Variants in EPS15 observed in about 807,000 individuals in gnomAD.
The protein encoded by EPS15 is epidermal growth factor receptor substrate 15.
EPS15 carries 72 observed loss-of-function variants against 113.8 expected under a neutral mutation model. The observed-to-expected ratio is 0.63, with a 90% CI of 0.52 to 0.77. EPS15 has a LOEUF of 0.77. EPS15 is among the 30% of genes least tolerant of loss of function. The pLI, the probability that EPS15 is intolerant of heterozygous loss-of-function variation, is 0.00. For synonymous variants in EPS15, 344 were observed against 363.4 expected (o/e 0.95, Z 0.61); for missense variants, 1,048 against 1,045.8 (o/e 1.00, Z -0.03).
chr1:51,471,394 A>G (rs932098152), intron 4 of EPS15, among the ~76,000 whole-genome samples: 1 of 152,256 alleles, frequency 6.6e-6, no homozygotes. Flanking sequence ...CACTTACTTA[A>G]TAACATTCAC....
chr1:51,512,845 T>A (rs1162115999), intron 1 of EPS15, among the ~76,000 whole-genome samples: 1 of 129,096 alleles, frequency 7.7e-6, no homozygotes, highest in Non-Finnish European at 1.7e-5. Context: ...AGCAATATCT[T>A]TTTTTTTTTT....
chr1:51,408,298 T>C lies in EPS15; in HGVS notation c.1310A>G (p.Glu437Gly). ...TTCTTCGTAAGTGGAGATCTGCGAT[T>C]CCTGACTAGTTAATTCAGCTTTCAG... ...SSLKAELTSQESQISTYEEEL... is the reference protein window; with the variant it reads ...SSLKAELTSQGSQISTYEEEL... Residue 437 changes from glutamate (E) to glycine (G), a missense_variant, in exon 15 of 25, where the codon GAA (glutamate) becomes GGA (glycine). Coordinates refer to ENST00000371733, the MANE Select transcript of EPS15 (RefSeq NM_001981.3). The C allele has an allele frequency of 3.7e-6, 6 of 1,613,398 alleles. No individual in the cohort carries two copies. The highest frequency in any genetic ancestry group is 5.1e-6 in the Non-Finnish European group (6 of 1,179,404).
chr1:51,366,063 C>G (rs111661694), intron 21 of EPS15, 34 bp from the exon 22 acceptor site: 3 of 1,489,324 alleles, frequency 2.0e-6, no homozygotes, highest in Middle Eastern at 1.7e-4. Context: ...TGAAACAGGA[C>G]AGTAAGACAT....
At chr1:51,371,789 T>G (rs1020980784) in intron 21 of EPS15, among the ~76,000 whole-genome samples, 3 of 152,218 alleles carry the variant, frequency 2.0e-5, no homozygotes, top group Non-Finnish European at 4.4e-5. Flanking sequence ...GCCTTCACAT[T>G]CACTATTACT....
rs1647680733 is a variant in EPS15 at position 51,394,262 on chromosome 1, A to G, written c.2119+119T>C. ...TATTATTGGTAAATTACTATTGGAT[A>G]TAATTATGCAATAATTTTAAAGCTA... is the stretch of plus-strand genomic sequence containing the variant. On this transcript the variant is annotated intron_variant, in intron 21 of 24. Transcript: ENST00000371733. The G allele has an allele frequency of 5.3e-6, 3 of 566,736 alleles. No homozygotes were observed. In the Admixed American group the frequency reaches 1.0e-4, roughly 19 times the overall value. The allele number at this position is 566,736 out of a possible 1,614,324, so 35.1% of individuals were successfully genotyped here.
At chr1:51,412,296 A>G (rs1229403257) in intron 13 of EPS15, among the ~76,000 whole-genome samples, 1 of 152,190 alleles carries the variant, frequency 6.6e-6, no homozygotes, top group African/African-American at 2.4e-5. Context: ...TGATGGGTGC[A>G]GCCAACCACC....
At position 51,497,995 on chromosome 1, in the gene EPS15, G is replaced by C. The variant is rs1008712771; in HGVS notation, c.34-16681C>G. On this transcript the variant is annotated intron_variant, in intron 1 of 24. Coordinates refer to ENST00000371733, the MANE Select transcript of EPS15 (RefSeq NM_001981.3). Reference sequence around the variant, plus strand: ...CGTCTCAAAAAAAAAAAAAAAACTAGTGTGTATTGTGAAGTATAAAGGTGA... The same window carrying C: ...CGTCTCAAAAAAAAAAAAAAAACTACTGTGTATTGTGAAGTATAAAGGTGA... 6.6e-5 allele frequency among the ~76,000 whole-genome samples: 10 copies of C among 150,434 alleles called. No individual in the cohort carries two copies. In the East Asian group the frequency reaches 1.7e-3, roughly 26 times the overall value.
At chr1:51,381,648 AAATT>A (rs1646944742) in intron 21 of EPS15, among the ~76,000 whole-genome samples, 1 of 152,144 alleles carries the variant, frequency 6.6e-6, no homozygotes, top group African/African-American at 2.4e-5. Context: ...ATAAAACTAA[AAATT>A]AACAGCAGAA....
Position 51,358,802 on chromosome 1 carries a change from G to A in EPS15, c.2545-1956C>T, listed in dbSNP as rs185535491. Among the ~76,000 whole-genome samples the A allele has an allele frequency of 6.7e-3, 1,016 of 151,364 alleles. 7 individuals carry two copies. Among genetic ancestry groups the A allele is most frequent in the African/African-American group, 0.024 (973 of 41,184 alleles). ...AGCTCCCGCAACCTCTGCCTCTGGG[G>A]CTTAAGTGATCCTCCCACCTCAGCC... On this transcript the variant is annotated intron_variant, in intron 24 of 24. Coordinates refer to ENST00000371733, the MANE Select transcript of EPS15 (RefSeq NM_001981.3).
intron 2 of EPS15, among the ~76,000 whole-genome samples, chr1:51,480,468 T>C (rs1294509551): frequency 6.6e-6 from 1 of 152,220 alleles, no homozygotes; most frequent in Non-Finnish European, 1.5e-5. Flanking sequence ...GAATATTGTC[T>C]GGTGAAGTAT....
intron 1 of EPS15, among the ~76,000 whole-genome samples, chr1:51,485,871 C>A (rs546731262): frequency 5.5e-4 from 83 of 152,192 alleles, no homozygotes; most frequent in Non-Finnish European, 8.8e-4. Flanking sequence ...TATCTTGGCC[C>A]ACTGCAACCT....
intron 19 of EPS15, among the ~76,000 whole-genome samples, chr1:51,399,471 G>C (rs1349621954): frequency 6.6e-6 from 1 of 150,794 alleles, no homozygotes; most frequent in Admixed American, 6.6e-5. Context: ...AGACTCACTT[G>C]AACCTGTGAG....
intron 1 of EPS15, among the ~76,000 whole-genome samples, chr1:51,498,142 C>T (rs1644357484): frequency 6.6e-6 from 1 of 152,094 alleles, no homozygotes; most frequent in Non-Finnish European, 1.5e-5. Context: ...CTTTTATCCT[C>T]AAAAAATTCT....
chr1:51,512,468 C>A lies in EPS15; in HGVS notation c.33+6731G>T, dbSNP rs372463995. Among the ~76,000 whole-genome samples the A allele has an allele frequency of 1.3e-4, 19 of 151,868 alleles. 1 individual carries two copies. In the East Asian group the frequency reaches 3.7e-3, roughly 29 times the overall value. Reference sequence around the variant, plus strand: ...TAAACATATAAAACAAATATTTCTACATAATCAAAAAATGCCAAAAACAAA... The same window carrying A: ...TAAACATATAAAACAAATATTTCTAAATAATCAAAAAATGCCAAAAACAAA... On this transcript the variant is annotated intron_variant, in intron 1 of 24. Coordinates refer to ENST00000371733, the MANE Select transcript of EPS15 (RefSeq NM_001981.3).
chr1:51,460,446 T>C (rs1654354958), intron 8 of EPS15, among the ~76,000 whole-genome samples: 1 of 152,178 alleles, frequency 6.6e-6, no homozygotes, highest in South Asian at 2.1e-4. Context: ...AAAGGAAATG[T>C]GAAATTTGGG....
chr1:51,473,038 C>T, intron 2 of EPS15, 90 bp from the exon 3 acceptor site: 1 of 988,524 alleles, frequency 1.0e-6, no homozygotes, highest in Non-Finnish European at 1.6e-6. Context: ...TGATTTGGGA[C>T]CTGGCTTTTG....
At chr1:51,497,696 G>C (rs953516431) in intron 1 of EPS15, among the ~76,000 whole-genome samples, 4 of 152,084 alleles carry the variant, frequency 2.6e-5, no homozygotes, top group African/African-American at 9.7e-5. Context: ...TAAAATTTTA[G>C]TGTGAGGTAC....
At position 51,448,714 on chromosome 1, in the gene EPS15, C is replaced by T. The variant is rs116744209; in HGVS notation, c.562-579G>A. Among the ~76,000 whole-genome samples the T allele has an allele frequency of 4.8e-3, 733 of 152,082 alleles. 7 individuals are homozygous for T. Among genetic ancestry groups the T allele is most frequent in the African/African-American group, 0.016 (678 of 41,492 alleles). On this transcript the variant is annotated intron_variant, in intron 8 of 24. Transcript: ENST00000371733. ...GAAATTTTTACACTGCTGGTGGGAGCTGAGCGGTAGCATGCTACCCCAAAA... is the reference window on the plus strand; with the variant it reads ...GAAATTTTTACACTGCTGGTGGGAGTTGAGCGGTAGCATGCTACCCCAAAA...
chr1:51,452,048 AT>A (rs879331547), intron 8 of EPS15, among the ~76,000 whole-genome samples: 159 of 144,504 alleles, frequency 1.1e-3, no homozygotes, highest in Admixed American at 1.9e-3. Flanking sequence ...AACCCAGCTA[AT>A]TTTTTTTTTT....
Sources: allele counts gnomAD v4.1 joint callset (sites outside exome capture counted in the v4.1 genomes callset), GRCh38; gene constraint gnomAD v4.1.1; transcripts MANE v1.5; gene names NCBI Gene and HGNC (gene_info 2026-07-23, HGNC 2026-07-21).